The following UNC13C variants were observed in gnomAD, a reference collection of about 807,000 sequenced individuals.
The protein encoded by UNC13C is unc-13 homolog C, also known as protein unc-13 homolog C.
A neutral mutation model predicts 245.4 loss-of-function variants in UNC13C; 174 were observed. The observed-to-expected ratio is 0.71, with a 90% CI of 0.63 to 0.80. The LOEUF (loss-of-function observed/expected upper bound fraction) is 0.80, where lower values mean the gene tolerates loss of function less well. Ranked by LOEUF, UNC13C falls within the 30% of genes least tolerant of loss-of-function variation. The pLI is 0.00. For missense variants in UNC13C, 2,829 were observed against 2,602.9 expected, an observed-to-expected ratio of 1.09 and a Z score of -1.89; for synonymous variants, 992 against 895.1, an observed-to-expected ratio of 1.11 and a Z score of -1.93.
chr15:54,214,389 A>G (rs1264655611), intron 4 of UNC13C, among the ~76,000 whole-genome samples: 1 of 151,910 alleles, frequency 6.6e-6, no homozygotes, highest in African/African-American at 2.4e-5. Context: ...AGTCTGAGCT[A>G]AAGTCTGAGT....
At chr15:53,968,883 G>A in the UNC13C span, among the ~76,000 whole-genome samples, 7 of 152,114 alleles carry the variant, frequency 4.6e-5, no homozygotes, top group South Asian at 8.3e-4. Context: ...TAATTGTCTT[G>A]TGCTCCTCTC....
intron 8 of UNC13C, among the ~76,000 whole-genome samples, chr15:54,252,330 C>T (rs2036173202): frequency 6.6e-6 from 1 of 152,122 alleles, no homozygotes; most frequent in Admixed American, 6.5e-5. Flanking sequence ...CTTAAAACAA[C>T]ATTTATTATT....
At chr15:54,305,226 G>C (rs1256298245) in intron 13 of UNC13C, among the ~76,000 whole-genome samples, 1 of 152,072 alleles carries the variant, frequency 6.6e-6, no homozygotes, top group East Asian at 1.9e-4. Context: ...CTAGATGCCA[G>C]AGTTTTTCAG....
chr15:54,450,942 G>T (rs1217618638), intron 19 of UNC13C, among the ~76,000 whole-genome samples: 1 of 152,142 alleles, frequency 6.6e-6, no homozygotes, highest in African/African-American at 2.4e-5. Flanking sequence ...GGGTCAGTCA[G>T]TTTTTGCTTG....
chr15:54,504,665 G>A (rs564520279), intron 22 of UNC13C, among the ~76,000 whole-genome samples: 153 of 152,248 alleles, frequency 1.0e-3, no homozygotes, highest in African/African-American at 3.2e-3. Flanking sequence ...ACATAAATCC[G>A]TGAAGTCACA....
intron 2 of UNC13C, among the ~76,000 whole-genome samples, chr15:54,045,322 A>T (rs1347596423): frequency 6.6e-6 from 1 of 152,194 alleles, no homozygotes; most frequent in African/African-American, 2.4e-5. Context: ...TCTGTTCCCC[A>T]TTGAATTTGT....
In UNC13C at chr15:54,552,638, TA is replaced by T. The variant is rs1896844728; in HGVS notation, c.5878-2792del. Among the ~76,000 whole-genome samples, 3 of 75,482 alleles carry T rather than the reference TA, an allele frequency of 4.0e-5. 1 individual carries two copies. Among genetic ancestry groups the T allele is most frequent in the Non-Finnish European group, 2.2e-5 (1 of 46,266 alleles). 49.5% of individuals were successfully genotyped at this position (75,482 alleles called of 152,430 possible). A position where few individuals can be genotyped will look rare whatever the true frequency, so the allele number is the denominator to read the frequency against. On this transcript the variant is annotated intron_variant, in intron 28 of 32. Transcript: ENST00000260323. ...TAATTATATTATATATTGTACAATATAATATAATTATATAATTATATTATAT... is the reference window on the plus strand; with the variant it reads ...TAATTATATTATATATTGTACAATATATATAATTATATAATTATATTATAT...
At chr15:54,197,945 A>C (rs1003597161) in intron 4 of UNC13C, among the ~76,000 whole-genome samples, 9 of 152,134 alleles carry the variant, frequency 5.9e-5, no homozygotes, top group African/African-American at 2.2e-4. Flanking sequence ...CCTGGTCACC[A>C]GCTGCCTGGA....
chr15:54,234,547 A>C (rs901358701), intron 4 of UNC13C, among the ~76,000 whole-genome samples: 2 of 152,180 alleles, frequency 1.3e-5, no homozygotes, highest in Non-Finnish European at 2.9e-5. Context: ...GTAATTACCA[A>C]TATCTTAAAT....
chr15:54,029,265 C>T (rs994017316), intron 2 of UNC13C, among the ~76,000 whole-genome samples: 1 of 152,156 alleles, frequency 6.6e-6, no homozygotes. Context: ...ACTGTGTTGC[C>T]TCGGGGCAAT....
At chr15:54,448,021 T>C (rs1271448505) in intron 19 of UNC13C, among the ~76,000 whole-genome samples, 1 of 152,222 alleles carries the variant, frequency 6.6e-6, no homozygotes, top group Non-Finnish European at 1.5e-5. Context: ...CTGCCTTCAT[T>C]TCGTTATGTA....
chr15:53,876,511 G>A, the UNC13C span, among the ~76,000 whole-genome samples: 1 of 152,256 alleles, frequency 6.6e-6, no homozygotes, highest in South Asian at 2.1e-4. Flanking sequence ...TGTTACAGAC[G>A]TGGATCAGTT....
intron 1 of UNC13C, among the ~76,000 whole-genome samples, chr15:54,001,030 A>G (rs1894863110): frequency 1.3e-5 from 2 of 152,176 alleles, no homozygotes; most frequent in South Asian, 2.1e-4. Flanking sequence ...AGGGTAATAG[A>G]TTTGTATTAA....
At chr15:54,610,545 G>C (rs754645858) in intron 30 of UNC13C, among the ~76,000 whole-genome samples, 26 of 152,130 alleles carry the variant, frequency 1.7e-4, no homozygotes, top group Admixed American at 3.3e-4. Context: ...TGTAAGGCAG[G>C]TTTATAGAAA....
At chr15:54,272,480 GGAGT>G (rs1239104162) in intron 10 of UNC13C, among the ~76,000 whole-genome samples, 1 of 152,128 alleles carries the variant, frequency 6.6e-6, no homozygotes, top group Non-Finnish European at 1.5e-5. Context: ...ATGTGGGAAG[GGAGT>G]ATTTCCTCAG....
chr15:54,098,518 A>T (rs1899998833), intron 2 of UNC13C, among the ~76,000 whole-genome samples: 1 of 152,110 alleles, frequency 6.6e-6, no homozygotes, highest in Non-Finnish European at 1.5e-5. Flanking sequence ...CAGGAATTGT[A>T]AGAAGCACCA....
At chr15:53,979,906 G>A (rs1893857542) in intron 1 of UNC13C, among the ~76,000 whole-genome samples, 1 of 152,024 alleles carries the variant, frequency 6.6e-6, no homozygotes, top group Non-Finnish European at 1.5e-5. Context: ...GGGTTAAATT[G>A]TCAATAAATT....
intron 8 of UNC13C, among the ~76,000 whole-genome samples, chr15:54,260,025 A>C (rs2036384035): frequency 6.6e-6 from 1 of 152,140 alleles, no homozygotes; most frequent in African/African-American, 2.4e-5. Context: ...ATATCCAATT[A>C]TGCCAATCAT....
chr15:54,222,817 T>G (rs2035266760), intron 4 of UNC13C, among the ~76,000 whole-genome samples: 1 of 152,076 alleles, frequency 6.6e-6, no homozygotes, highest in African/African-American at 2.4e-5. Context: ...ACATTGTAAT[T>G]TTGATTTGCA....
Sources: gnomAD v4.1 joint callset for allele counts (sites outside exome capture counted in the v4.1 genomes callset) on GRCh38, gnomAD v4.1.1 for gene constraint, MANE v1.5 for transcripts, NCBI Gene and HGNC (gene_info 2026-07-23, HGNC 2026-07-21) for gene names.